Variants in CSMD1 observed in about 807,000 individuals in gnomAD.
The protein encoded by CSMD1 is CUB and sushi domain-containing protein 1.
In CSMD1, 213 loss-of-function variants were observed where a neutral mutation model predicts 417.5. The observed-to-expected ratio is 0.51, with a 90% CI of 0.46 to 0.57. The LOEUF (loss-of-function observed/expected upper bound fraction) is 0.57, where lower values mean the gene tolerates loss of function less well. Ranked by LOEUF, CSMD1 falls within the 20% of genes least tolerant of loss-of-function variation. The probability of loss-of-function intolerance (pLI) is 0.00; values close to 1 mark genes in which losing one functional copy is unlikely to be tolerated. For missense variants in CSMD1, 6,923 were observed against 4,529.7 expected (o/e 1.53, Z -15.17); for synonymous variants, 2,862 against 1,736.8 (o/e 1.65, Z -16.11).
intron 57 of CSMD1, among the ~76,000 whole-genome samples, chr8:2,972,437 T>C (rs771711027): frequency 2.0e-5 from 3 of 152,226 alleles, no homozygotes; most frequent in Non-Finnish European, 4.4e-5. Context: ...TTTACATTCC[T>C]ATCTGTCTGA....
intron 3 of CSMD1, among the ~76,000 whole-genome samples, chr8:4,147,476 T>G (rs569739873): frequency 6.6e-6 from 1 of 152,128 alleles, no homozygotes; most frequent in Admixed American, 6.5e-5. Flanking sequence ...CCCTACATGA[T>G]TGCCTTTGTG....
intron 20 of CSMD1, among the ~76,000 whole-genome samples, chr8:3,361,676 AC>A (rs1328758311): frequency 2.0e-5 from 3 of 149,484 alleles, no homozygotes; most frequent in African/African-American, 4.9e-5. Flanking sequence ...AAAAAAACAA[AC>A]AAAAACATTC....
At chr8:3,852,336 C>G (rs1404335452) in intron 5 of CSMD1, among the ~76,000 whole-genome samples, 1 of 151,946 alleles carries the variant, frequency 6.6e-6, no homozygotes, top group African/African-American at 2.4e-5. Flanking sequence ...GGAGAATGGC[C>G]CGAAGGAAGC....
chr8:3,922,333 C>G (rs1481846941), intron 5 of CSMD1, among the ~76,000 whole-genome samples: 2 of 151,804 alleles, frequency 1.3e-5, no homozygotes, highest in Non-Finnish European at 2.9e-5. Flanking sequence ...AATTCAGTCA[C>G]TCTGTCTTTG....
chr8:4,743,135 C>T (rs62484603), intron 1 of CSMD1, among the ~76,000 whole-genome samples: 29,813 of 151,934 alleles, frequency 0.2, 3,302 homozygotes, highest in Middle Eastern at 0.29. Flanking sequence ...AGAAAAATAA[C>T]CAAACTTTTA....
intron 1 of CSMD1, among the ~76,000 whole-genome samples, chr8:4,933,849 A>G (rs1807418676): frequency 6.6e-6 from 1 of 152,214 alleles, no homozygotes; most frequent in Admixed American, 6.5e-5. Context: ...TGTACTATAG[A>G]TATTTACAAA....
At position 3,616,727 on chromosome 8, in the gene CSMD1, T is replaced by C; in HGVS notation, c.1080A>G (p.Arg360=). The change falls in exon 8 of 70, where the codon AGA becomes AGG. Residue 360 remains arginine, a synonymous_variant. Coordinates refer to ENST00000635120, the MANE Select transcript of CSMD1 (RefSeq NM_033225.6). Reference sequence around the variant, plus strand: ...TCTCTTACCTGAAGTCGGAACCTGCTCTTCTACCATTTTCTGGAATCCCAG... The same window carrying C: ...TCTCTTACCTGAAGTCGGAACCTGCCCTTCTACCATTTTCTGGAATCCCAG... The part of the protein sequence containing the change: ...PDPGIPENGR[R]AGSDFRVGAN... 1 of 1,611,434 alleles carries C rather than the reference T, an allele frequency of 6.2e-7. No homozygotes were observed. Among genetic ancestry groups the C allele is most frequent in the Non-Finnish European group, 8.5e-7 (1 of 1,178,104 alleles).
At chr8:3,018,342 C>T (rs1809039868) in intron 52 of CSMD1, 135 bp downstream of exon 52, 1 of 737,546 alleles carries the variant, frequency 1.4e-6, no homozygotes, top group Non-Finnish European at 2.2e-6. Context: ...GAAAAAATCA[C>T]ACTGGGAGGT....
chr8:4,627,668 T>C (rs1802199241), intron 2 of CSMD1, among the ~76,000 whole-genome samples: 1 of 152,132 alleles, frequency 6.6e-6, no homozygotes, highest in Non-Finnish European at 1.5e-5. Context: ...TCACTCCAGC[T>C]GCTCCGGGAT....
At chr8:3,232,591 T>C (rs913366378) in intron 26 of CSMD1, among the ~76,000 whole-genome samples, 3 of 152,206 alleles carry the variant, frequency 2.0e-5, no homozygotes, top group African/African-American at 7.2e-5. Context: ...TCAAATGACA[T>C]GGGCTGCTAT....
intron 52 of CSMD1, among the ~76,000 whole-genome samples, chr8:3,002,146 G>T (rs537620113): frequency 6.6e-6 from 1 of 152,270 alleles, no homozygotes; most frequent in Admixed American, 6.5e-5. Context: ...CTGGTGATTT[G>T]TCCCAATCAC....
chr8:3,111,927 C>T (rs75503291), intron 42 of CSMD1, among the ~76,000 whole-genome samples: 2,429 of 152,190 alleles, frequency 0.016, 58 homozygotes, highest in African/African-American at 0.056. Context: ...CCCCTCCAGA[C>T]GTCGAGGGAG....
intron 23 of CSMD1, 88 bp from the exon 24 acceptor site, chr8:3,308,591 GC>G: frequency 9.7e-7 from 1 of 1,031,904 alleles, no homozygotes; most frequent in Non-Finnish European, 1.4e-6. Context: ...GTTGCTAAAT[GC>G]TCCTTGAAGG....
At chr8:3,255,399 C>T (rs1411819697) in intron 26 of CSMD1, among the ~76,000 whole-genome samples, 1 of 152,192 alleles carries the variant, frequency 6.6e-6, no homozygotes, top group African/African-American at 2.4e-5. Flanking sequence ...GTAAAGCTGT[C>T]AGACAGGGAC....
At chr8:3,888,372 C>T (rs966861373) in intron 5 of CSMD1, among the ~76,000 whole-genome samples, 7 of 152,168 alleles carry the variant, frequency 4.6e-5, no homozygotes, top group African/African-American at 1.7e-4. Context: ...GAGCTCTAAA[C>T]AAGCTTCATA....
At chr8:2,944,642 C>A (rs192525756) in intron 68 of CSMD1, among the ~76,000 whole-genome samples, 1 of 152,044 alleles carries the variant, frequency 6.6e-6, no homozygotes, top group Non-Finnish European at 1.5e-5. Context: ...CTCCTCAGAA[C>A]CTGCAATAAA....
intron 3 of CSMD1, among the ~76,000 whole-genome samples, chr8:4,097,159 G>A (rs17068953): frequency 0.22 from 33,845 of 152,010 alleles, 4,684 homozygotes; most frequent in African/African-American, 0.38. Context: ...TTTCTGTCAT[G>A]CTTACCATTA....
chr8:4,115,645 T>C (rs943038532), intron 3 of CSMD1, among the ~76,000 whole-genome samples: 3 of 152,204 alleles, frequency 2.0e-5, no homozygotes, highest in Non-Finnish European at 4.4e-5. Context: ...AATGTTTATA[T>C]GTGCTTTGCC....
intron 3 of CSMD1, among the ~76,000 whole-genome samples, chr8:4,249,035 T>C (rs753489810): frequency 6.6e-6 from 1 of 152,208 alleles, no homozygotes; most frequent in Non-Finnish European, 1.5e-5. Flanking sequence ...GCCTGGCATA[T>C]GCTACTCAAT....
Sources: allele counts gnomAD v4.1 joint callset (sites outside exome capture counted in the v4.1 genomes callset), GRCh38; gene constraint gnomAD v4.1.1; transcripts MANE v1.5; gene names NCBI Gene and HGNC (gene_info 2026-07-23, HGNC 2026-07-21).